Variants in USP43 observed in about 807,000 individuals in gnomAD.
The protein encoded by USP43 is ubiquitin carboxyl-terminal hydrolase 43.
USP43 carries 33 observed loss-of-function variants against 90.7 expected under a neutral mutation model. That is an observed-to-expected ratio of 0.36 (90% CI 0.28 to 0.49). The LOEUF (loss-of-function observed/expected upper bound fraction) is 0.49. USP43 is among the 20% of genes least tolerant of loss of function. The pLI, the probability that USP43 is intolerant of heterozygous loss-of-function variation, is 0.98. For synonymous variants in USP43, 598 were observed against 615.8 expected (o/e 0.97, Z 0.43); for missense variants, 1,274 against 1,476.4 (o/e 0.86, Z 2.25).
rs546290972 is a variant in USP43 at position 9,689,743 on chromosome 17, C to T, written c.1353+2834C>T. 1.6e-4 allele frequency among the ~76,000 whole-genome samples: 25 copies of T among 151,992 alleles called. 1 individual carries two copies. The highest frequency in any genetic ancestry group is 3.4e-3 in the Middle Eastern group (1 of 294). ...AAACACTTTTATGGTATTTTGTAAA[C>T]GGGGGTGTGTGAGGCCAGCACTATT... On this transcript the variant is annotated intron_variant, in intron 8 of 14. Transcript: ENST00000285199.
At chr17:9,692,107 C>G (rs1327892985) in intron 8 of USP43, among the ~76,000 whole-genome samples, 2 of 151,320 alleles carry the variant, frequency 1.3e-5, no homozygotes, top group African/African-American at 4.9e-5. Context: ...GCCTGTAATC[C>G]CAGCATTTTG....
At position 9,727,081 on chromosome 17, in the gene USP43, T is replaced by C. The variant is rs181457813; in HGVS notation, c.2336-873T>C. Among the ~76,000 whole-genome samples the C allele has an allele frequency of 5.4e-3, 817 of 152,212 alleles. 5 individuals are homozygous for C. The highest frequency in any genetic ancestry group is 0.019 in the African/African-American group (773 of 41,534). ...TCCACCTCCCGGGTTCAAGTGATTC[T>C]CCTGCCTCAGCCTCCTGAGTAGCTG... On this transcript the variant is annotated intron_variant, in intron 14 of 14. Coordinates refer to ENST00000285199, the MANE Select transcript of USP43 (RefSeq NM_153210.5).
chr17:9,716,651 T>C (rs1424735786), intron 14 of USP43, among the ~76,000 whole-genome samples: 1 of 152,094 alleles, frequency 6.6e-6, no homozygotes, highest in Non-Finnish European at 1.5e-5. Context: ...CTGGAATCTG[T>C]TGTGGAGGCT....
chr17:9,699,746 G>C (rs1882519956), intron 9 of USP43, among the ~76,000 whole-genome samples: 1 of 152,198 alleles, frequency 6.6e-6, no homozygotes, highest in Non-Finnish European at 1.5e-5. Flanking sequence ...TTAGGTTGTG[G>C]AGGGGGGCTT....
At chr17:9,673,620 C>T (rs1471239978) in intron 3 of USP43, among the ~76,000 whole-genome samples, 2 of 152,132 alleles carry the variant, frequency 1.3e-5, no homozygotes, top group Admixed American at 1.3e-4. Flanking sequence ...TATATATCTA[C>T]TCTGAACCAA....
In USP43 at chr17:9,729,273, T is replaced by A. The variant is rs1656733916; in HGVS notation, c.*283T>A. ...GTATTACCAGTTTCAGGGCAAGAACTGATATTTACTAAAGAGTTTTGGATG... is the reference window on the plus strand; with the variant it reads ...GTATTACCAGTTTCAGGGCAAGAACAGATATTTACTAAAGAGTTTTGGATG... On this transcript the variant is annotated 3_prime_UTR_variant, in exon 15 of 15. Coordinates refer to ENST00000285199, the MANE Select transcript of USP43 (RefSeq NM_153210.5). 1 of 243,740 alleles carries A rather than the reference T, an allele frequency of 4.1e-6. No homozygotes were observed. The highest frequency in any genetic ancestry group is 1.7e-4 in the South Asian group (1 of 5,746). 15.1% of individuals were successfully genotyped at this position (243,740 alleles called of 1,614,324 possible). A position where few individuals can be genotyped will look rare whatever the true frequency, so the allele number is the denominator to read the frequency against.
At chr17:9,725,147 C>T (rs1567687051) in intron 14 of USP43, among the ~76,000 whole-genome samples, 2 of 152,168 alleles carry the variant, frequency 1.3e-5, no homozygotes, top group Admixed American at 1.3e-4. Context: ...GGGACTGAGC[C>T]TGTCAGCTGC....
chr17:9,726,023 ATGAC>A (rs1490137683), intron 14 of USP43, among the ~76,000 whole-genome samples: 1 of 152,194 alleles, frequency 6.6e-6, no homozygotes, highest in Non-Finnish European at 1.5e-5. Context: ...AATTGTGTCT[ATGAC>A]TGGCTAATCT....
In USP43 at chr17:9,675,126, A is replaced by T. The variant is rs570867539; in HGVS notation, c.833+143A>T. On this transcript the variant is annotated intron_variant, in intron 4 of 14. Coordinates refer to ENST00000285199, the MANE Select transcript of USP43 (RefSeq NM_153210.5). ...TGGAAACCAGCCTTATAGCTGGATG[A>T]CATTCAACTATTGAAATTGACAGAG... is the stretch of plus-strand genomic sequence containing the variant. 6 of 718,302 alleles carry T rather than the reference A, an allele frequency of 8.4e-6. No individual in the cohort carries two copies. In the Admixed American group the frequency reaches 1.3e-4, roughly 16 times the overall value. 44.5% of individuals were successfully genotyped at this position (718,302 alleles called of 1,614,324 possible). A position where few individuals can be genotyped will look rare whatever the true frequency, so the allele number is the denominator to read the frequency against.
At chr17:9,721,171 C>T (rs1349878340) in intron 14 of USP43, among the ~76,000 whole-genome samples, 1 of 152,138 alleles carries the variant, frequency 6.6e-6, no homozygotes, top group African/African-American at 2.4e-5. Flanking sequence ...AGGAGTCCTT[C>T]CCAGAGACCC....
At chr17:9,727,809 A>G (rs1007019927) in intron 14 of USP43, 145 bp from the exon 15 acceptor site, 5 of 866,066 alleles carry the variant, frequency 5.8e-6, no homozygotes, top group African/African-American at 3.4e-5. Flanking sequence ...CCCCAAAGGC[A>G]GGAACCCTAT....
At chr17:9,673,644 G>A (rs1038966484) in intron 3 of USP43, among the ~76,000 whole-genome samples, 2 of 152,140 alleles carry the variant, frequency 1.3e-5, no homozygotes, top group African/African-American at 4.8e-5. Flanking sequence ...ACACCTCACC[G>A]ACTTCTACGA....
chr17:9,672,025 T>C (rs1209748072), intron 3 of USP43, among the ~76,000 whole-genome samples: 1 of 152,150 alleles, frequency 6.6e-6, no homozygotes, highest in East Asian at 1.9e-4. Context: ...AGACAGAGTT[T>C]TGCTCTTGTC....
At position 9,724,412 on chromosome 17, in the gene USP43, G is replaced by A. The variant is rs960270863; in HGVS notation, c.2336-3542G>A. ...ACATCATATGGGGCCCAGCATGGTG[G>A]CTCACGCCTGTAATCCCAGCACTTT... On this transcript the variant is annotated intron_variant, in intron 14 of 14. Coordinates refer to ENST00000285199, the MANE Select transcript of USP43 (RefSeq NM_153210.5). 2.6e-4 allele frequency among the ~76,000 whole-genome samples: 39 copies of A among 152,336 alleles called. 1 individual carries two copies. The highest frequency in any genetic ancestry group is 2.2e-3 in the Admixed American group (33 of 15,308).
At chr17:9,726,207 G>A (rs1464304759) in intron 14 of USP43, among the ~76,000 whole-genome samples, 1 of 152,114 alleles carries the variant, frequency 6.6e-6, no homozygotes, top group African/African-American at 2.4e-5. Flanking sequence ...TGCCTCCCCC[G>A]CGTTCCTGCA....
At chr17:9,683,166 C>T (rs1914403192) in intron 7 of USP43, among the ~76,000 whole-genome samples, 1 of 152,180 alleles carries the variant, frequency 6.6e-6, no homozygotes, top group South Asian at 2.1e-4. Context: ...ACATCAGAGG[C>T]CTTCCTATTA....
In USP43 at chr17:9,670,794, T is replaced by C. The variant is rs1326031062; in HGVS notation, c.740+4043T>C. On this transcript the variant is annotated intron_variant, in intron 3 of 14. Coordinates refer to ENST00000285199, the MANE Select transcript of USP43 (RefSeq NM_153210.5). The stretch of plus-strand genomic sequence containing the variant: ...CCTTTGGGTATTTTTTCCTATAGCA[T>C]GATGAGTAAGAGGCGAGGTGTTCAC... 2.0e-5 allele frequency among the ~76,000 whole-genome samples: 3 copies of C among 152,132 alleles called. No homozygotes were observed. The East Asian group carries it at 5.8e-4, about 29-fold the overall frequency.
intron 3 of USP43, among the ~76,000 whole-genome samples, chr17:9,667,363 G>A (rs1913103916): frequency 6.6e-6 from 1 of 152,104 alleles, no homozygotes. Flanking sequence ...CTGTACTCCA[G>A]CCTGGGCAAC....
chr17:9,684,823 A>G (rs1238490530), intron 7 of USP43, among the ~76,000 whole-genome samples: 1 of 152,106 alleles, frequency 6.6e-6, no homozygotes, highest in Non-Finnish European at 1.5e-5. Context: ...TCTGGTTGCA[A>G]TAGCAAGATA....
Sources: gnomAD v4.1 joint callset for allele counts (sites outside exome capture counted in the v4.1 genomes callset) on GRCh38, gnomAD v4.1.1 for gene constraint, MANE v1.5 for transcripts, NCBI Gene and HGNC (gene_info 2026-07-23, HGNC 2026-07-21) for gene names.